The following CFAP299 variants were observed in gnomAD, a reference collection of about 807,000 sequenced individuals.
CFAP299 encodes cilia and flagella associated protein 299, also known as cilia- and flagella-associated protein 299.
In CFAP299, 21 loss-of-function variants were observed where a neutral mutation model predicts 27.0. That is an observed-to-expected ratio of 0.78 (90% CI 0.55 to 1.12). CFAP299 has a LOEUF of 1.12. Among genes scored for constraint, CFAP299 ranks in the 50% most tolerant of loss-of-function variants. The pLI is 0.00. For synonymous variants in CFAP299, 104 were observed against 98.1 expected, an observed-to-expected ratio of 1.06 and a Z score of -0.36; for missense variants, 310 against 276.6, an observed-to-expected ratio of 1.12 and a Z score of -0.86.
At chr4:80,591,018 T>A (rs1736717653) in intron 3 of CFAP299, among the ~76,000 whole-genome samples, 1 of 151,784 alleles carries the variant, frequency 6.6e-6, no homozygotes, top group Non-Finnish European at 1.5e-5. Context: ...AAATATTTGT[T>A]ATATTAATCT....
At chr4:80,321,705 A>T in the CFAP299 span, among the ~76,000 whole-genome samples, 1 of 152,202 alleles carries the variant, frequency 6.6e-6, no homozygotes, top group Non-Finnish European at 1.5e-5. Flanking sequence ...CTTAGATCCA[A>T]TACAAAATCC....
intron 2 of CFAP299, among the ~76,000 whole-genome samples, chr4:80,560,070 T>C (rs932365127): frequency 9.2e-5 from 14 of 151,930 alleles, no homozygotes; most frequent in African/African-American, 3.4e-4. Context: ...AAAAGACCCC[T>C]TCCTTCTGCT....
At chr4:80,733,005 C>T (rs1723628576) in intron 3 of CFAP299, among the ~76,000 whole-genome samples, 1 of 152,060 alleles carries the variant, frequency 6.6e-6, no homozygotes, top group Non-Finnish European at 1.5e-5. Context: ...AAATTGTGCT[C>T]ACACTGATAT....
chr4:80,448,843 G>C (rs1728763068), intron 2 of CFAP299, among the ~76,000 whole-genome samples: 1 of 152,168 alleles, frequency 6.6e-6, no homozygotes, highest in South Asian at 2.1e-4. Context: ...ATGCAATATA[G>C]AAACTTACCA....
chr4:80,726,118 T>C (rs544127288), intron 3 of CFAP299, among the ~76,000 whole-genome samples: 7 of 152,096 alleles, frequency 4.6e-5, no homozygotes, highest in African/African-American at 1.7e-4. Context: ...TTCACTCACT[T>C]CTTCCCTTGT....
At chr4:80,900,520 C>T (rs895262471) in intron 4 of CFAP299, among the ~76,000 whole-genome samples, 32 of 151,926 alleles carry the variant, frequency 2.1e-4, no homozygotes, top group Admixed American at 9.2e-4. Context: ...TGGATTAATA[C>T]GTATCATCTA....
intron 3 of CFAP299, among the ~76,000 whole-genome samples, chr4:80,711,195 G>A (rs1476213440): frequency 6.6e-6 from 1 of 152,200 alleles, no homozygotes; most frequent in Non-Finnish European, 1.5e-5. Context: ...GAGAGAAAGA[G>A]TTAAGCCGCT....
intron 1 of CFAP299, among the ~76,000 whole-genome samples, chr4:80,354,130 A>G (rs1044259245): frequency 1.3e-5 from 2 of 152,188 alleles, no homozygotes; most frequent in African/African-American, 4.8e-5. Context: ...AAACAATTCA[A>G]AAGGAAGAAA....
intron 3 of CFAP299, among the ~76,000 whole-genome samples, chr4:80,651,522 C>G (rs986848551): frequency 2.0e-5 from 3 of 151,768 alleles, no homozygotes; most frequent in Admixed American, 6.6e-5. Context: ...TGCGCCGCCA[C>G]ACCTAGCTAA....
Position 80,403,289 on chromosome 4 carries a change from A to T in CFAP299, c.242+40405A>T, listed in dbSNP as rs188094680. On this transcript the variant is annotated intron_variant, in intron 2 of 5. Coordinates refer to ENST00000358105, the MANE Select transcript of CFAP299 (RefSeq NM_152770.3). ...TTTGTTTACATAAGTGCTGAAAAAAATTTCCTTTTAATAGAAATAGTTGCT... is the reference window on the plus strand; with the variant it reads ...TTTGTTTACATAAGTGCTGAAAAAATTTTCCTTTTAATAGAAATAGTTGCT... Among the ~76,000 whole-genome samples, 940 of 152,326 alleles carry T rather than the reference A, an allele frequency of 6.2e-3. 2 individuals are homozygous for T. The highest frequency in any genetic ancestry group is 0.024 in the Middle Eastern group (7 of 294).
At chr4:80,341,656 C>A (rs748093602) in intron 1 of CFAP299, among the ~76,000 whole-genome samples, 1 of 152,196 alleles carries the variant, frequency 6.6e-6, no homozygotes, top group Non-Finnish European at 1.5e-5. Flanking sequence ...CCCATAAAAA[C>A]CCCATTTAAA....
intron 3 of CFAP299, among the ~76,000 whole-genome samples, chr4:80,740,949 C>T (rs910012565): frequency 3.3e-4 from 50 of 152,234 alleles, no homozygotes; most frequent in African/African-American, 1.1e-3. Context: ...GTCAGGTCCC[C>T]TCTGGCCTAG....
intron 2 of CFAP299, among the ~76,000 whole-genome samples, chr4:80,537,800 G>A (rs530399564): frequency 3.0e-4 from 45 of 151,736 alleles, no homozygotes; most frequent in African/African-American, 8.7e-4. Context: ...AGACATGGAC[G>A]TTGCTAAGAG....
chr4:80,703,920 G>T (rs1225693643), intron 3 of CFAP299, among the ~76,000 whole-genome samples: 1 of 151,728 alleles, frequency 6.6e-6, no homozygotes, highest in Non-Finnish European at 1.5e-5. Context: ...AGAAAGTGTA[G>T]ATTTTCCTTT....
At chr4:80,483,219 C>T (rs1310956962) in intron 2 of CFAP299, among the ~76,000 whole-genome samples, 1 of 152,150 alleles carries the variant, frequency 6.6e-6, no homozygotes, top group Admixed American at 6.6e-5. Context: ...CCACATGCCA[C>T]GGAATGCTGG....
At chr4:80,689,505 C>T (rs1193258234) in intron 3 of CFAP299, among the ~76,000 whole-genome samples, 2 of 152,152 alleles carry the variant, frequency 1.3e-5, no homozygotes, top group African/African-American at 4.8e-5. Context: ...GAGATTTTGT[C>T]ACCACCAGGC....
chr4:80,467,841 A>G (rs1729782972), intron 2 of CFAP299, among the ~76,000 whole-genome samples: 1 of 152,202 alleles, frequency 6.6e-6, no homozygotes, highest in East Asian at 1.9e-4. Flanking sequence ...AGGGGAAACA[A>G]GGATATTCTT....
intron 3 of CFAP299, among the ~76,000 whole-genome samples, chr4:80,755,661 A>T (rs1391004256): frequency 6.6e-6 from 1 of 152,258 alleles, no homozygotes; most frequent in East Asian, 1.9e-4. Flanking sequence ...TAAGAAACTC[A>T]AATGTTCCCT....
chr4:80,714,696 C>T (rs758502773), intron 3 of CFAP299, among the ~76,000 whole-genome samples: 1 of 151,764 alleles, frequency 6.6e-6, no homozygotes, highest in Non-Finnish European at 1.5e-5. Flanking sequence ...TTTCATCATA[C>T]CCATACCTTG....
Sources: gnomAD v4.1 joint callset for allele counts (sites outside exome capture counted in the v4.1 genomes callset) on GRCh38, gnomAD v4.1.1 for gene constraint, MANE v1.5 for transcripts, NCBI Gene and HGNC (gene_info 2026-07-23, HGNC 2026-07-21) for gene names.